The following PKP4 variants were observed in gnomAD, a reference collection of about 807,000 sequenced individuals.
PKP4 encodes the protein plakophilin-4.
A neutral mutation model predicts 145.1 loss-of-function variants in PKP4; 90 were observed. The observed-to-expected ratio is 0.62, with a 90% confidence interval of 0.52 to 0.74. The LOEUF is 0.74. Ranked by LOEUF, PKP4 falls within the 30% of genes least tolerant of loss-of-function variation. PKP4 has a pLI of 0.00. For synonymous variants in PKP4, 563 were observed against 577.2 expected (o/e 0.98, Z 0.35); for missense variants, 1,340 against 1,482.7 (o/e 0.90, Z 1.58).
intron 3 of PKP4, among the ~76,000 whole-genome samples, chr2:158,601,336 T>TAAAATA (rs1274056383): frequency 5.9e-5 from 9 of 152,224 alleles, no homozygotes; most frequent in African/African-American, 1.9e-4. Flanking sequence ...GATGGCAGTT[T>TAAAATA]GATTTACCAT....
intron 2 of PKP4, among the ~76,000 whole-genome samples, chr2:158,543,736 C>T (rs774135493): frequency 6.6e-6 from 1 of 152,084 alleles, no homozygotes; most frequent in African/African-American, 2.4e-5. Flanking sequence ...TGCAAAGGAT[C>T]AAGGTAGCCA....
At chr2:158,468,662 TAATC>T (rs1230575266) in intron 1 of PKP4, among the ~76,000 whole-genome samples, 4 of 152,094 alleles carry the variant, frequency 2.6e-5, no homozygotes, top group African/African-American at 9.7e-5. Flanking sequence ...TGATTGGAAT[TAATC>T]CAGTCGTTAG....
At position 158,469,018 on chromosome 2, in the gene PKP4, A is replaced by G. The variant is rs186089702; in HGVS notation, c.-6+11800A>G. Reference sequence around the variant, plus strand: ...GGTCTCGAACTCCTGGCCACAAGCAATCCTCCTGCCTCAGCATCCCAAAGT... The same window carrying G: ...GGTCTCGAACTCCTGGCCACAAGCAGTCCTCCTGCCTCAGCATCCCAAAGT... On this transcript the variant is annotated intron_variant, in intron 1 of 21. Coordinates refer to ENST00000389759, the MANE Select transcript of PKP4 (RefSeq NM_003628.6). Among the ~76,000 whole-genome samples, 204 of 151,986 alleles carry G rather than the reference A, an allele frequency of 1.3e-3. 1 individual carries two copies. The highest frequency in any genetic ancestry group is 2.4e-4 in the Non-Finnish European group (16 of 67,962).
At chr2:158,466,096 C>A (rs1254216790) in intron 1 of PKP4, among the ~76,000 whole-genome samples, 1 of 152,214 alleles carries the variant, frequency 6.6e-6, no homozygotes, top group Non-Finnish European at 1.5e-5. Context: ...AATAGTCCTG[C>A]TCTAAGCTAC....
chr2:158,582,182 C>T (rs1371663575), intron 3 of PKP4, among the ~76,000 whole-genome samples: 1 of 152,040 alleles, frequency 6.6e-6, no homozygotes, highest in Admixed American at 6.6e-5. Flanking sequence ...TAATATTTTA[C>T]TCATTGAAGT....
chr2:158,560,179 T>G (rs1204057722), intron 2 of PKP4, among the ~76,000 whole-genome samples: 1 of 152,206 alleles, frequency 6.6e-6, no homozygotes, highest in Non-Finnish European at 1.5e-5. Flanking sequence ...CATTGATATT[T>G]TGCTATCTGC....
chr2:158,571,043 G>A (rs1574541809), intron 2 of PKP4, among the ~76,000 whole-genome samples: 1 of 152,172 alleles, frequency 6.6e-6, no homozygotes, highest in Non-Finnish European at 1.5e-5. Flanking sequence ...ACTAAGCCTG[G>A]AAGAGAACTA....
intron 1 of PKP4, among the ~76,000 whole-genome samples, chr2:158,483,907 G>A (rs920161161): frequency 2.0e-5 from 3 of 152,032 alleles, no homozygotes; most frequent in Non-Finnish European, 4.4e-5. Flanking sequence ...CAGAAACCAC[G>A]GTCAGCTGAG....
intron 11 of PKP4, among the ~76,000 whole-genome samples, chr2:158,654,687 G>C (rs571539911): frequency 6.6e-6 from 1 of 152,172 alleles, no homozygotes; most frequent in Non-Finnish European, 1.5e-5. Context: ...GACAAATTTT[G>C]TTAGAGATCC....
chr2:158,502,024 T>G (rs564273329), intron 1 of PKP4, among the ~76,000 whole-genome samples: 3 of 152,352 alleles, frequency 2.0e-5, no homozygotes, highest in African/African-American at 7.2e-5. Context: ...CTTACAACAT[T>G]ATTGAAGGTT....
At chr2:158,536,067 A>G (rs1450304194) in intron 2 of PKP4, among the ~76,000 whole-genome samples, 3 of 152,240 alleles carry the variant, frequency 2.0e-5, no homozygotes, top group Non-Finnish European at 1.5e-5. Context: ...TCATTTCTGC[A>G]TAAGAAGAAA....
intron 1 of PKP4, among the ~76,000 whole-genome samples, chr2:158,528,944 T>A (rs939005855): frequency 2.0e-5 from 3 of 152,216 alleles, no homozygotes; most frequent in Non-Finnish European, 4.4e-5. Context: ...CTGAGGAACA[T>A]TCACATCTGT....
chr2:158,573,145 A>T (rs2047549048), intron 2 of PKP4, among the ~76,000 whole-genome samples: 3 of 152,254 alleles, frequency 2.0e-5, no homozygotes, highest in Admixed American at 2.0e-4. Flanking sequence ...ACATTATGTG[A>T]TAGCCGTGCA....
At chr2:158,636,199 G>A (rs751885075) in intron 9 of PKP4, among the ~76,000 whole-genome samples, 1 of 151,476 alleles carries the variant, frequency 6.6e-6, no homozygotes, top group Non-Finnish European at 1.5e-5. Context: ...AGCCTTTCTT[G>A]TCTTGCATTT....
At chr2:158,595,244 A>G in intron 3 of PKP4, among the ~76,000 whole-genome samples, 1 of 152,222 alleles carries the variant, frequency 6.6e-6, no homozygotes, top group East Asian at 1.9e-4. Flanking sequence ...TTTTCAGAAC[A>G]TCAGAAGACA....
chr2:158,648,933 T>C (rs2055082504), intron 11 of PKP4, among the ~76,000 whole-genome samples: 1 of 152,312 alleles, frequency 6.6e-6, no homozygotes, highest in East Asian at 1.9e-4. Flanking sequence ...GAAAGGCGGA[T>C]GTTGCAGCGA....
intron 1 of PKP4, among the ~76,000 whole-genome samples, chr2:158,523,779 G>C (rs1574274223): frequency 1.7e-5 from 2 of 120,584 alleles, no homozygotes. Flanking sequence ...ATACAGAGAA[G>C]TGCTTAAAGG....
rs117384129 is a variant in PKP4, at chr2:158,535,534, C to T, written c.132+2218C>T. ...AAGCAATCCTCCCACCTCAGCCTCC[C>T]TAGTAGCTAGGACTACAGGTGTGTG... On this transcript the variant is annotated intron_variant, in intron 2 of 21. Coordinates refer to ENST00000389759, the MANE Select transcript of PKP4 (RefSeq NM_003628.6). 2.8e-4 allele frequency among the ~76,000 whole-genome samples: 42 copies of T among 152,190 alleles called. No homozygotes were observed. In the East Asian group the frequency reaches 7.9e-3, roughly 29 times the overall value.
intron 9 of PKP4, among the ~76,000 whole-genome samples, chr2:158,639,078 A>G (rs1359649510): frequency 6.6e-6 from 1 of 152,186 alleles, no homozygotes; most frequent in Non-Finnish European, 1.5e-5. Flanking sequence ...ATCTGTATCT[A>G]ATGTTATTTT....
Sources: gnomAD v4.1 joint callset for allele counts (sites outside exome capture counted in the v4.1 genomes callset) on GRCh38, gnomAD v4.1.1 for gene constraint, MANE v1.5 for transcripts, NCBI Gene and HGNC (gene_info 2026-07-23, HGNC 2026-07-21) for gene names.